Variants in HNRNPUL1 observed in about 807,000 individuals in gnomAD.
HNRNPUL1 encodes the protein heterogeneous nuclear ribonucleoprotein U-like protein 1.
A neutral mutation model predicts 108.5 loss-of-function variants in HNRNPUL1; 14 were observed. That is an observed-to-expected ratio of 0.13 (90% CI 0.09 to 0.20). The LOEUF (loss-of-function observed/expected upper bound fraction) is 0.20. Among genes scored for constraint, HNRNPUL1 ranks in the 10% least tolerant of loss-of-function variants. The pLI, the probability that HNRNPUL1 is intolerant of heterozygous loss-of-function variation, is 1.00. For synonymous variants in HNRNPUL1, 422 were observed against 445.2 expected, an observed-to-expected ratio of 0.95 and a Z score of 0.66; for missense variants, 804 against 1,168.3, an observed-to-expected ratio of 0.69 and a Z score of 4.55.
intron 6 of HNRNPUL1, among the ~76,000 whole-genome samples, chr19:41,280,449 A>T (rs934295929): frequency 6.6e-6 from 1 of 152,084 alleles, no homozygotes; most frequent in African/African-American, 2.4e-5. Flanking sequence ...TTTAAGACTC[A>T]TAAGTCATCT....
chr19:41,269,031 A>G (rs2035041347), intron 2 of HNRNPUL1, among the ~76,000 whole-genome samples: 1 of 152,056 alleles, frequency 6.6e-6, no homozygotes, highest in East Asian at 1.9e-4. Context: ...TTATTAGGGG[A>G]TTCTCAGAAA....
chr19:41,288,578 G>A (rs567151038), intron 7 of HNRNPUL1, among the ~76,000 whole-genome samples: 5 of 152,202 alleles, frequency 3.3e-5, no homozygotes, highest in African/African-American at 1.2e-4. Context: ...TACCAAGAGA[G>A]CTTCTTTGTA....
chr19:41,285,056 T>C (rs1374232416), intron 7 of HNRNPUL1, among the ~76,000 whole-genome samples: 1 of 151,272 alleles, frequency 6.6e-6, no homozygotes, highest in Non-Finnish European at 1.5e-5. Flanking sequence ...GTGAAGTCAT[T>C]ATATATGACA....
intron 5 of HNRNPUL1, among the ~76,000 whole-genome samples, 162 bp from the exon 6 acceptor site, chr19:41,278,915 C>T (rs1340385061): frequency 6.6e-6 from 1 of 152,142 alleles, no homozygotes; most frequent in Non-Finnish European, 1.5e-5. Flanking sequence ...GCCCTGGCTT[C>T]GATTCGGTTC....
chr19:41,280,628 T>C (rs1465557609), intron 6 of HNRNPUL1, among the ~76,000 whole-genome samples: 2 of 152,148 alleles, frequency 1.3e-5, no homozygotes, highest in African/African-American at 4.8e-5. Flanking sequence ...GCATACTCTT[T>C]GGGTTCTGCC....
At chr19:41,300,652 G>A (rs764595464) in intron 10 of HNRNPUL1, among the ~76,000 whole-genome samples, 2 of 152,200 alleles carry the variant, frequency 1.3e-5, no homozygotes, top group Non-Finnish European at 2.9e-5. Context: ...CAAAGGGCCC[G>A]ACATGAAGGA....
In HNRNPUL1 at chr19:41,264,692, G is replaced by A. The variant is rs1278764045; in HGVS notation, c.189G>A (p.Glu63=). The A allele has an allele frequency of 1.3e-6, 2 of 1,556,150 alleles. No individual in the cohort carries two copies. The highest frequency in any genetic ancestry group is 1.7e-6 in the Non-Finnish European group (2 of 1,155,356). The change falls in exon 1 of 15, where the codon GAG becomes GAA. Residue 63 remains glutamate (E), a synonymous_variant. Coordinates refer to ENST00000392006, the MANE Select transcript of HNRNPUL1 (RefSeq NM_007040.6). ...EPGRPGHINE[E]VETEGGSELE... ...GGCGACCCGGGCACATCAACGAGGA[G>A]GTCGAGACCGAGGGGGGCTCCGAGC...
At chr19:41,272,046 G>C in intron 2 of HNRNPUL1, 36 bp from the exon 3 acceptor site, 2 of 1,607,728 alleles carry the variant, frequency 1.2e-6, no homozygotes, top group South Asian at 1.1e-5. Flanking sequence ...GGGAGCTTGC[G>C]AGTGTCTTGA....
intron 10 of HNRNPUL1, among the ~76,000 whole-genome samples, chr19:41,296,013 T>A (rs2036872874): frequency 1.3e-5 from 2 of 152,198 alleles, no homozygotes; most frequent in African/African-American, 4.8e-5. Context: ...ATTCAAGAAT[T>A]TTTTTAGTCT....
At position 41,302,732 on chromosome 19, in the gene HNRNPUL1, G is replaced by A. The variant is rs779987627; in HGVS notation, c.1755G>A (p.Glu585=). ...DEVLFIELQR[E]EADKLVRQYN... is the part of the protein sequence containing the mutation. ...TTCTGTTCATTGAGCTGCAGCGGGA[G>A]GAAGCGGACAAGCTAGTGAGGCAGT... Residue 585 remains glutamate (E), a synonymous_variant, in exon 12 of 15, where the codon GAG becomes GAA. Transcript: ENST00000392006. 18 of 1,614,208 alleles carry A rather than the reference G, an allele frequency of 1.1e-5. No homozygotes were observed. Among genetic ancestry groups the A allele is most frequent in the Admixed American group, 1.7e-5 (1 of 60,026 alleles).
chr19:41,272,543 G>A (rs1413029244), intron 3 of HNRNPUL1, among the ~76,000 whole-genome samples: 5 of 152,108 alleles, frequency 3.3e-5, no homozygotes, highest in Non-Finnish European at 2.9e-5. Context: ...CTTGATACCC[G>A]TAATGAAAGA....
At chr19:41,305,530 C>A in intron 13 of HNRNPUL1, 146 bp from the exon 14 acceptor site, 1 of 996,878 alleles carries the variant, frequency 1.0e-6, no homozygotes, top group Non-Finnish European at 1.5e-6. Context: ...TCTCCTCCTT[C>A]TCAGCCCACA....
Position 41,274,443 on chromosome 19 carries a change from C to T in HNRNPUL1, c.646+388C>T, listed in dbSNP as rs142194347. On this transcript the variant is annotated intron_variant, in intron 4 of 14. Transcript: ENST00000392006. ...TGAGTGCAGCTGGGGAAACTTAACT[C>T]TTTGACAACCAGTTCCCGTTTCCAT... Among the ~76,000 whole-genome samples, 49 of 152,348 alleles carry T rather than the reference C, an allele frequency of 3.2e-4. No homozygotes were observed. The Middle Eastern group carries it at 0.01, about 32-fold the overall frequency.
At position 41,264,691 on chromosome 19, in the gene HNRNPUL1, A is replaced by T. The variant is rs748306861; in HGVS notation, c.188A>T (p.Glu63Val). The T allele has an allele frequency of 1.2e-5, 18 of 1,556,164 alleles. No homozygotes were observed. Among genetic ancestry groups the T allele is most frequent in the Non-Finnish European group, 1.6e-5 (18 of 1,155,188 alleles). Residue 63 changes from glutamate to valine, a missense_variant, in exon 1 of 15, where the codon GAG (glutamate) becomes GTG (valine). Glu to Val is a moderately radical substitution (Grantham distance 121). Around this residue, in one of 4 missense-constraint regions of HNRNPUL1, gnomAD observed 256 missense variants for 261.6 expected, o/e 0.98. Transcript: ENST00000392006. ...GGGCGACCCGGGCACATCAACGAGGAGGTCGAGACCGAGGGGGGCTCCGAG... is the reference window on the plus strand; with the variant it reads ...GGGCGACCCGGGCACATCAACGAGGTGGTCGAGACCGAGGGGGGCTCCGAG... ...EPGRPGHINE[E>V]VETEGGSELE...
chr19:41,272,888 C>T (rs2035328773), intron 3 of HNRNPUL1, among the ~76,000 whole-genome samples: 1 of 152,208 alleles, frequency 6.6e-6, no homozygotes, highest in African/African-American at 2.4e-5. Flanking sequence ...CTCCTTCCTT[C>T]CTTCAGTTCC....
Position 41,294,304 on chromosome 19 carries a change from A to G in HNRNPUL1, c.1267-34A>G, listed in dbSNP as rs763347436. On this transcript the variant is annotated intron_variant, in intron 8 of 14. Transcript: ENST00000392006. This position sits in a 1 kb window ranked among gnomAD's most constrained non-coding sequence, Gnocchi z 4.3. ...CCGAGCCAAGTGGTGCCATACCACC[A>G]TGCCGCAACACCTTCCCTGTCTTGT... 3 of 1,610,920 alleles carry G rather than the reference A, an allele frequency of 1.9e-6. No individual in the cohort carries two copies. The South Asian group carries it at 3.3e-5, about 18-fold the overall frequency.
intron 7 of HNRNPUL1, among the ~76,000 whole-genome samples, chr19:41,288,525 T>G (rs2036387786): frequency 6.6e-6 from 1 of 152,152 alleles, no homozygotes; most frequent in Non-Finnish European, 1.5e-5. Context: ...ATTACAAGCG[T>G]GAGCCACCAT....
At chr19:41,279,213 G>A in intron 6 of HNRNPUL1, 37 bp downstream of exon 6, 3 of 1,402,618 alleles carry the variant, frequency 2.1e-6, no homozygotes, top group Non-Finnish European at 3.0e-6. Flanking sequence ...AGAGAATAGA[G>A]TGACTGTCCC....
intron 13 of HNRNPUL1, among the ~76,000 whole-genome samples, chr19:41,304,838 AT>A (rs1414130537): frequency 1.3e-5 from 2 of 152,114 alleles, no homozygotes. Context: ...CACTTTCCTC[AT>A]GCCGGGCCTG....
Sources: allele counts gnomAD v4.1 joint callset (sites outside exome capture counted in the v4.1 genomes callset), GRCh38; gene constraint gnomAD v4.1.1; regional missense constraint gnomAD v4.1.1; non-coding constraint Gnocchi (gnomAD v3.1); transcripts MANE v1.5; gene names NCBI Gene and HGNC (gene_info 2026-07-23, HGNC 2026-07-21).